The following HNF4G variants were observed in gnomAD, a reference collection of about 807,000 sequenced individuals.
HNF4G encodes the protein hepatocyte nuclear factor 4 gamma, also known as hepatocyte nuclear factor 4-gamma.
A neutral mutation model predicts 50.9 loss-of-function variants in HNF4G; 21 were observed. That is an observed-to-expected ratio of 0.41 (90% CI 0.29 to 0.59). The LOEUF is 0.59. HNF4G is among the 20% of genes least tolerant of loss of function. HNF4G has a pLI of 0.26. For synonymous variants in HNF4G, 198 were observed against 185.6 expected (o/e 1.07, Z -0.54); for missense variants, 527 against 559.4 (o/e 0.94, Z 0.58).
chr8:75,543,955 G>C lies in HNF4G; in HGVS notation c.263G>C (p.Arg88Pro). The C allele has an allele frequency of 6.3e-7, 1 of 1,597,570 alleles. No homozygotes were observed. Among genetic ancestry groups the C allele is most frequent in the Non-Finnish European group, 8.5e-7 (1 of 1,170,708 alleles). The change falls in exon 2 of 10, where the codon CGT (arginine) becomes CCT (proline). Residue 88 changes from arginine to proline, a missense_variant. Arg to Pro is a moderately radical substitution (Grantham distance 103). Coordinates refer to ENST00000396423, the MANE Select transcript of HNF4G (RefSeq NM_004133.5). ...AAGGGTTTCTTCAGACGCAGCATTCGTAAGAGTCACGTTTATTCTTGCAGG... is the reference window on the plus strand; with the variant it reads ...AAGGGTTTCTTCAGACGCAGCATTCCTAAGAGTCACGTTTATTCTTGCAGG... ...GCKGFFRRSIRKSHVYSCRFS... is the reference protein window; with the variant it reads ...GCKGFFRRSIPKSHVYSCRFS...
At chr8:75,435,644 A>C (rs1585840644) in intron 1 of HNF4G, among the ~76,000 whole-genome samples, 1 of 152,180 alleles carries the variant, frequency 6.6e-6, no homozygotes, top group East Asian at 1.9e-4. Flanking sequence ...CCCAGGCTGG[A>C]GTGCAGTGGC....
At chr8:75,493,462 A>C (rs1812682049) in intron 2 of HNF4G, among the ~76,000 whole-genome samples, 1 of 152,174 alleles carries the variant, frequency 6.6e-6, no homozygotes, top group African/African-American at 2.4e-5. Flanking sequence ...TTTCCAACAA[A>C]AGTGTAAGAG....
At chr8:75,436,134 A>G (rs910137974) in intron 1 of HNF4G, among the ~76,000 whole-genome samples, 1 of 152,208 alleles carries the variant, frequency 6.6e-6, no homozygotes, top group Non-Finnish European at 1.5e-5. Flanking sequence ...AGAGAATAAA[A>G]TTGTATTGAA....
chr8:75,429,828 A>G (rs1441005351), intron 1 of HNF4G, among the ~76,000 whole-genome samples: 1 of 152,212 alleles, frequency 6.6e-6, no homozygotes, highest in Non-Finnish European at 1.5e-5. Flanking sequence ...ACAGTATGGT[A>G]GACTGAATGT....
chr8:75,424,485 T>C (rs1345090847), intron 1 of HNF4G, among the ~76,000 whole-genome samples: 1 of 152,178 alleles, frequency 6.6e-6, no homozygotes, highest in Non-Finnish European at 1.5e-5. Context: ...ATCCCATCAC[T>C]CAGATAGTGG....
chr8:75,435,915 T>C (rs1470998935), intron 1 of HNF4G, among the ~76,000 whole-genome samples: 1 of 152,190 alleles, frequency 6.6e-6, no homozygotes, highest in Non-Finnish European at 1.5e-5. Flanking sequence ...TTTAATGTTC[T>C]ATAGAAGATA....
intron 1 of HNF4G, among the ~76,000 whole-genome samples, chr8:75,484,765 A>G (rs1001970721): frequency 6.6e-6 from 1 of 152,274 alleles, no homozygotes; most frequent in Non-Finnish European, 1.5e-5. Context: ...GAATGAGCTC[A>G]GTAAACATTT....
chr8:75,520,062 C>A (rs1417306310), intron 2 of HNF4G, among the ~76,000 whole-genome samples: 1 of 151,476 alleles, frequency 6.6e-6, no homozygotes. Context: ...CATTTTACTT[C>A]TTTTGTTTAC....
chr8:75,463,287 T>G (rs1811895306), intron 1 of HNF4G, among the ~76,000 whole-genome samples: 1 of 152,134 alleles, frequency 6.6e-6, no homozygotes, highest in Admixed American at 6.5e-5. Context: ...CAACCTCATA[T>G]TATAGGAAAG....
At chr8:75,491,814 C>T (rs940107371) in intron 2 of HNF4G, among the ~76,000 whole-genome samples, 1 of 152,138 alleles carries the variant, frequency 6.6e-6, no homozygotes, top group Non-Finnish European at 1.5e-5. Flanking sequence ...AAATGCAAGT[C>T]GCTTAGAGGA....
intron 1 of HNF4G, among the ~76,000 whole-genome samples, chr8:75,468,192 T>C (rs1812028680): frequency 6.6e-6 from 1 of 152,230 alleles, no homozygotes; most frequent in Admixed American, 6.5e-5. Context: ...TTTCTAGTTG[T>C]ATATCTATCC....
At chr8:75,417,502 G>A (rs143644154) in intron 1 of HNF4G, among the ~76,000 whole-genome samples, 1 of 152,134 alleles carries the variant, frequency 6.6e-6, no homozygotes, top group Non-Finnish European at 1.5e-5. Context: ...AGGAACCAAG[G>A]CCATTCGTCT....
intron 1 of HNF4G, among the ~76,000 whole-genome samples, chr8:75,415,041 T>G (rs1456361795): frequency 1.3e-5 from 2 of 152,232 alleles, no homozygotes; most frequent in African/African-American, 4.8e-5. Flanking sequence ...CTTGGTATGA[T>G]CAGTCTTCTA....
chr8:75,464,478 A>T (rs79456033), intron 1 of HNF4G, among the ~76,000 whole-genome samples: 1 of 151,658 alleles, frequency 6.6e-6, no homozygotes, highest in Non-Finnish European at 1.5e-5. Context: ...ATTGTCTCAG[A>T]TTTTTTCCCC....
rs775870132 is a variant in HNF4G at position 75,556,077 on chromosome 8, T to A, written c.733+8T>A. 10 of 1,174,820 alleles carry A rather than the reference T, an allele frequency of 8.5e-6. No individual in the cohort carries two copies. The highest frequency in any genetic ancestry group is 1.0e-5 in the Non-Finnish European group (9 of 896,794). 72.8% of individuals were successfully genotyped at this position (1,174,820 alleles called of 1,614,324 possible). A position where few individuals can be genotyped will look rare whatever the true frequency, so the allele number is the denominator to read the frequency against. On this transcript the variant is annotated splice_region_variant and intron_variant, in intron 6 of 9. Transcript: ENST00000396423. ...AAGATATTTTGCTTTTGGGTAAGTT[T>A]TTTTTTTTTAATTTAAGAAGAAATT...
At chr8:75,495,234 C>A (rs1458037448) in intron 2 of HNF4G, among the ~76,000 whole-genome samples, 1 of 152,158 alleles carries the variant, frequency 6.6e-6, no homozygotes, top group Non-Finnish European at 1.5e-5. Flanking sequence ...TCGTATCATG[C>A]AGAGTCATAT....
chr8:75,559,314 G>T (rs762549145), intron 8 of HNF4G, among the ~76,000 whole-genome samples: 15 of 149,064 alleles, frequency 1.0e-4, no homozygotes, highest in Non-Finnish European at 1.9e-4. Context: ...TCGCTCAGTC[G>T]CCAGGCTGGA....
intron 1 of HNF4G, among the ~76,000 whole-genome samples, chr8:75,542,936 C>T (rs1437767943): frequency 6.6e-6 from 1 of 152,160 alleles, no homozygotes; most frequent in Non-Finnish European, 1.5e-5. Flanking sequence ...CCTATAATTT[C>T]AGCACTTTGG....
intron 1 of HNF4G, among the ~76,000 whole-genome samples, chr8:75,467,076 GA>G (rs1481907998): frequency 6.6e-6 from 1 of 151,990 alleles, no homozygotes; most frequent in African/African-American, 2.4e-5. Context: ...TAGTTCCTTA[GA>G]ATATTTTCAG....
Sources: allele counts gnomAD v4.1 joint callset (sites outside exome capture counted in the v4.1 genomes callset), GRCh38; gene constraint gnomAD v4.1.1; transcripts MANE v1.5; gene names NCBI Gene and HGNC (gene_info 2026-07-23, HGNC 2026-07-21).